The following TEC variants were observed in gnomAD, a reference collection of about 807,000 sequenced individuals.
The protein encoded by TEC is tyrosine-protein kinase Tec.
TEC carries 72 observed loss-of-function variants against 93.0 expected under a neutral mutation model. The ratio of observed to expected loss-of-function variants is 0.77; its 90% CI spans 0.64 to 0.94. The LOEUF is 0.94. TEC is among the 40% of genes least tolerant of loss of function. The pLI is 0.00. For missense variants in TEC, 630 were observed against 757.9 expected, an observed-to-expected ratio of 0.83 and a Z score of 1.98; for synonymous variants, 249 against 247.7, an observed-to-expected ratio of 1.01 and a Z score of -0.05.
intron 1 of TEC, among the ~76,000 whole-genome samples, chr4:48,252,998 G>A (rs886991907): frequency 1.3e-5 from 2 of 152,158 alleles, no homozygotes; most frequent in African/African-American, 4.8e-5. Flanking sequence ...TTTCTCAGGG[G>A]CTTTAATAGG....
At chr4:48,251,886 C>T (rs1197716539) in intron 1 of TEC, among the ~76,000 whole-genome samples, 1 of 152,026 alleles carries the variant, frequency 6.6e-6, no homozygotes, top group Non-Finnish European at 1.5e-5. Context: ...ATAGTAGAAG[C>T]AAATATTGGA....
intron 2 of TEC, among the ~76,000 whole-genome samples, chr4:48,183,473 G>A (rs1186268431): frequency 6.6e-6 from 1 of 152,180 alleles, no homozygotes; most frequent in Non-Finnish European, 1.5e-5. Flanking sequence ...CTCTGCCATC[G>A]CAGATGGGCA....
intron 2 of TEC, among the ~76,000 whole-genome samples, chr4:48,203,657 TAAAG>T (rs1280284380): frequency 1.3e-5 from 2 of 152,072 alleles, no homozygotes; most frequent in Admixed American, 6.5e-5. Context: ...GCTCTGGAAA[TAAAG>T]AACCAATATT....
intron 15 of TEC, among the ~76,000 whole-genome samples, chr4:48,140,813 G>A (rs1280106165): frequency 1.3e-5 from 2 of 152,060 alleles, no homozygotes; most frequent in African/African-American, 4.8e-5. Context: ...GACCATGCTC[G>A]ATCATGTAAC....
In TEC at chr4:48,264,057, G is replaced by A. The variant is rs571692646; in HGVS notation, c.-46+5695C>T. Among the ~76,000 whole-genome samples the A allele has an allele frequency of 2.6e-5, 4 of 152,294 alleles. No homozygotes were observed. The East Asian group carries it at 5.8e-4, about 22-fold the overall frequency. ...CTCCCTTCTGAAAGCCTAAGACAATGACAATAAAGAAATTTTTTTATTTCA... is the reference window on the plus strand; with the variant it reads ...CTCCCTTCTGAAAGCCTAAGACAATAACAATAAAGAAATTTTTTTATTTCA... On this transcript the variant is annotated intron_variant, in intron 1 of 17. Transcript: ENST00000381501.
intron 4 of TEC, 59 bp from the exon 5 acceptor site, chr4:48,170,435 C>A: frequency 8.7e-7 from 1 of 1,155,022 alleles, no homozygotes; most frequent in Non-Finnish European, 1.2e-6. Flanking sequence ...CAGAATGTTT[C>A]ATAAATAACA....
At chr4:48,260,759 T>C (rs1435580921) in intron 1 of TEC, among the ~76,000 whole-genome samples, 3 of 152,220 alleles carry the variant, frequency 2.0e-5, no homozygotes, top group African/African-American at 4.8e-5. Flanking sequence ...TAAATAAAGA[T>C]TGTAGAATTT....
chr4:48,203,662 A>G (rs1286038210), intron 2 of TEC, among the ~76,000 whole-genome samples: 1 of 152,146 alleles, frequency 6.6e-6, no homozygotes, highest in African/African-American at 2.4e-5. Context: ...GGAAATAAAG[A>G]ACCAATATTT....
intron 1 of TEC, among the ~76,000 whole-genome samples, chr4:48,264,641 AT>A (rs33996960): frequency 1.6e-3 from 226 of 145,122 alleles, no homozygotes; most frequent in African/African-American, 5.0e-3. Context: ...CATCTTCAGC[AT>A]TTTTTTTTTT....
In TEC at chr4:48,170,345, T is replaced by C. The variant is rs944445739; in HGVS notation, c.357A>G (p.Lys119=). The part of the protein sequence containing the change: ...EIKNNNNIMI[K]YHPKFWTDGS... ...CATCTGTCCAGAATTTAGGATGATATTTAATCATAATATTATTGTTGTTCT... is the reference window on the plus strand; with the variant it reads ...CATCTGTCCAGAATTTAGGATGATACTTAATCATAATATTATTGTTGTTCT... Residue 119 remains lysine (K), a synonymous_variant, in exon 5 of 18, where the codon AAA becomes AAG. Transcript: ENST00000381501. The C allele has an allele frequency of 1.4e-6, 2 of 1,461,576 alleles. No homozygotes were observed. The highest frequency in any genetic ancestry group is 9.6e-7 in the Non-Finnish European group (1 of 1,045,820). The allele number at this position is 1,461,576 out of a possible 1,614,324, so 90.5% of individuals were successfully genotyped here.
rs186205822 is a variant in TEC at position 48,178,998 on chromosome 4, T to C, written c.139-2812A>G. On this transcript the variant is annotated intron_variant, in intron 2 of 17. Coordinates refer to ENST00000381501, the MANE Select transcript of TEC (RefSeq NM_003215.3). ...GGTCTTCTCTGAATTGTAAGCCACC[T>C]TCTGAGATTTGCAAGTGCTGACACT... Among the ~76,000 whole-genome samples, 398 of 152,258 alleles carry C rather than the reference T, an allele frequency of 2.6e-3. 7 individuals carry two copies. The highest frequency in any genetic ancestry group is 0.021 in the Admixed American group (328 of 15,276).
At chr4:48,242,584 C>T (rs1441749834) in intron 1 of TEC, among the ~76,000 whole-genome samples, 1 of 152,186 alleles carries the variant, frequency 6.6e-6, no homozygotes, top group African/African-American at 2.4e-5. Context: ...TATTCATTTG[C>T]ATCTTAAATT....
chr4:48,252,679 T>G (rs1724235631), intron 1 of TEC, among the ~76,000 whole-genome samples: 1 of 152,228 alleles, frequency 6.6e-6, no homozygotes, highest in African/African-American at 2.4e-5. Context: ...TCACTCCATG[T>G]CATTCCATTC....
At chr4:48,193,980 A>G (rs1651994321) in intron 2 of TEC, among the ~76,000 whole-genome samples, 1 of 152,172 alleles carries the variant, frequency 6.6e-6, no homozygotes, top group Admixed American at 6.5e-5. Flanking sequence ...AAGTAATCCA[A>G]ATACGCAATG....
At chr4:48,140,995 A>C (rs561971515) in intron 15 of TEC, among the ~76,000 whole-genome samples, 7 of 152,154 alleles carry the variant, frequency 4.6e-5, no homozygotes, top group Admixed American at 3.9e-4. Flanking sequence ...CGGAGGGAGA[A>C]GAGAGAAAAA....
At chr4:48,245,110 T>C (rs2109661529) in intron 1 of TEC, among the ~76,000 whole-genome samples, 1 of 152,132 alleles carries the variant, frequency 6.6e-6, no homozygotes, top group African/African-American at 2.4e-5. Flanking sequence ...CTGGCCAACA[T>C]GGTGAAACCC....
chr4:48,193,533 A>G (rs1722166981), intron 2 of TEC, among the ~76,000 whole-genome samples: 1 of 152,218 alleles, frequency 6.6e-6, no homozygotes, highest in Non-Finnish European at 1.5e-5. Context: ...TTCAGAGATA[A>G]ACGTAACTAC....
chr4:48,153,614 C>G (rs1242260351), intron 9 of TEC: 3 of 152,124 alleles, frequency 2.0e-5, no homozygotes, highest in East Asian at 3.8e-4. Flanking sequence ...AAAGTCATCA[C>G]CAAGGTCTGA....
intron 2 of TEC, among the ~76,000 whole-genome samples, chr4:48,180,454 G>C (rs1052943520): frequency 6.6e-6 from 1 of 152,176 alleles, no homozygotes; most frequent in Non-Finnish European, 1.5e-5. Flanking sequence ...ATGATTCACA[G>C]TCTAGTAATG....
Sources: allele counts gnomAD v4.1 joint callset (sites outside exome capture counted in the v4.1 genomes callset), GRCh38; gene constraint gnomAD v4.1.1; transcripts MANE v1.5; gene names NCBI Gene and HGNC (gene_info 2026-07-23, HGNC 2026-07-21).